ADGRB1: variants seen among roughly 807,000 people sequenced by gnomAD.
ADGRB1 encodes adhesion G protein-coupled receptor B1.
ADGRB1 carries 36 observed loss-of-function variants against 175.7 expected under a neutral mutation model. That is an observed-to-expected ratio of 0.20 (90% CI 0.16 to 0.27). ADGRB1 has a LOEUF of 0.27. Ranked by LOEUF, ADGRB1 falls within the 10% of genes least tolerant of loss-of-function variation. The pLI, the probability that ADGRB1 is intolerant of heterozygous loss-of-function variation, is 1.00. For missense variants in ADGRB1, 1,731 were observed against 2,255.3 expected (o/e 0.77, Z 4.71); for synonymous variants, 1,054 against 979.4 (o/e 1.08, Z -1.42).
chr8:142,508,090 G>T (rs1278052796), intron 17 of ADGRB1, among the ~76,000 whole-genome samples: 6 of 152,132 alleles, frequency 3.9e-5, no homozygotes, highest in African/African-American at 1.4e-4. Flanking sequence ...TCCCACCCGG[G>T]GCCTACAGCT....
Position 142,542,447 on chromosome 8 carries a change from G to A in ADGRB1, c.4213G>A (p.Glu1405Lys), listed in dbSNP as rs1442155254. ...CCAGCCCCCCAGCGGCGGGCCCCCCGAGGCACCCCCTGCCCAGCCCCCACC... is the reference window on the plus strand; with the variant it reads ...CCAGCCCCCCAGCGGCGGGCCCCCCAAGGCACCCCCTGCCCAGCCCCCACC... Reference protein sequence around the residue: ...SRQPPSGGPPEAPPAQPPPPP... With the variant: ...SRQPPSGGPPKAPPAQPPPPP... The change falls in exon 28 of 31, where the codon GAG becomes AAG. Residue 1405 changes from glutamate (E) to lysine (K), a missense_variant. By Grantham distance (56) the Glu-to-Lys change is moderately conservative. Coordinates refer to ENST00000517894, the MANE Select transcript of ADGRB1 (RefSeq NM_001702.3). This position sits in a 1 kb window ranked among gnomAD's most constrained non-coding sequence, Gnocchi z 6.3. The A allele has an allele frequency of 9.7e-5, 83 of 859,898 alleles. No homozygotes were observed. The highest frequency in any genetic ancestry group is 1.2e-4 in the Admixed American group (3 of 24,804). The allele number at this position is 859,898 out of a possible 1,614,324, so 53.3% of individuals were successfully genotyped here. A position where few individuals can be genotyped will look rare whatever the true frequency, so the allele number is the denominator to read the frequency against.
At chr8:142,460,070 C>T (rs1324641402) in intron 1 of ADGRB1, among the ~76,000 whole-genome samples, 1 of 152,206 alleles carries the variant, frequency 6.6e-6, no homozygotes, top group African/African-American at 2.4e-5. Context: ...CGGCTCGGGC[C>T]TGGCGTGGGG....
intron 2 of ADGRB1, among the ~76,000 whole-genome samples, chr8:142,469,147 GC>G (rs1277137467): frequency 7.3e-5 from 4 of 54,644 alleles, no homozygotes; most frequent in Admixed American, 4.8e-4. Context: ...GCATGTGTGT[GC>G]ATGCGTGCAT....
At chr8:142,479,982 T>C (rs964944173) in intron 9 of ADGRB1, among the ~76,000 whole-genome samples, 188 bp downstream of exon 9, 1 of 152,204 alleles carries the variant, frequency 6.6e-6, no homozygotes, top group Non-Finnish European at 1.5e-5. Context: ...CAGCTGCTGT[T>C]CTGAGCACTC....
At chr8:142,514,538 A>G (rs979864156) in intron 18 of ADGRB1, among the ~76,000 whole-genome samples, 5 of 152,184 alleles carry the variant, frequency 3.3e-5, no homozygotes, top group Admixed American at 2.0e-4. Context: ...AAACAGTCTG[A>G]AAAGGACAGT....
In ADGRB1 at chr8:142,533,436, C is replaced by T. The variant is rs747609583; in HGVS notation, c.3540C>T (p.Ile1180=). The change falls in exon 25 of 31, where the codon ATC becomes ATT. Residue 1180 remains isoleucine (I), a synonymous_variant. Transcript: ENST00000517894. ...AVFDSLEGFV[I]VMVHCILRRE... is the part of the protein sequence containing the mutation. The stretch of plus-strand genomic sequence containing the variant: ...TCGACTCGCTGGAGGGCTTCGTCAT[C>T]GTCATGGTGCACTGTATCCTCCGTA... 23 of 1,612,022 alleles carry T rather than the reference C, an allele frequency of 1.4e-5. No homozygotes were observed. The highest frequency in any genetic ancestry group is 8.0e-5 in the African/African-American group (6 of 74,912).
chr8:142,484,150 C>G (rs1841536769), intron 12 of ADGRB1, 105 bp downstream of exon 12: 2 of 968,668 alleles, frequency 2.1e-6, no homozygotes, highest in African/African-American at 1.6e-5. Context: ...GCCGGGTGCT[C>G]TGGGTTTGGA....
At position 142,496,530 on chromosome 8, in the gene ADGRB1, T is replaced by A. The variant is rs375638628; in HGVS notation, c.2675+5715T>A. Among the ~76,000 whole-genome samples, 13 of 152,280 alleles carry A rather than the reference T, an allele frequency of 8.5e-5. No homozygotes were observed. The East Asian group carries it at 1.2e-3, about 14-fold the overall frequency. ...CAGTAGCACACATTGGGAGTTAGGT[T>A]CTGTGGTCCTGAAAGGACAGCTCCC... is the stretch of plus-strand genomic sequence containing the variant. On this transcript the variant is annotated intron_variant, in intron 17 of 30. Transcript: ENST00000517894.
chr8:142,516,239 GTGTGCGGGCCCCAGGTGCGTGCGTC>G lies in ADGRB1; in HGVS notation c.2818-1884_2818-1860del, dbSNP rs1263520149. On this transcript the variant is annotated intron_variant, in intron 18 of 30. Coordinates refer to ENST00000517894, the MANE Select transcript of ADGRB1 (RefSeq NM_001702.3). ...GTGCGGGCCCCAGGTGTGTGTGTGC[GTGTGCGGGCCCCAGGTGCGTGCGTC>G]TGTGCGGGCCCCAGTTGCGTGTGTG... is the stretch of plus-strand genomic sequence containing the variant. 1.3e-3 allele frequency among the ~76,000 whole-genome samples: 190 copies of G among 147,002 alleles called. 1 individual carries two copies. The highest frequency in any genetic ancestry group is 4.7e-3 in the African/African-American group (184 of 39,332).
chr8:142,466,049 C>G (rs1019059037), intron 2 of ADGRB1, among the ~76,000 whole-genome samples: 3 of 152,192 alleles, frequency 2.0e-5, no homozygotes, highest in African/African-American at 7.2e-5. Flanking sequence ...AGACCCCTTG[C>G]TGACGGGTGA....
At chr8:142,515,661 G>A (rs1843374177) in intron 18 of ADGRB1, among the ~76,000 whole-genome samples, 1 of 152,018 alleles carries the variant, frequency 6.6e-6, no homozygotes, top group South Asian at 2.1e-4. Flanking sequence ...TGTCCAGCTG[G>A]TTTCCTAGCC....
rs1303126999 is a variant in ADGRB1, at chr8:142,455,984, G to A, written c.-220+5880G>A. Among the ~76,000 whole-genome samples, 1 of 152,110 alleles carries A rather than the reference G, an allele frequency of 6.6e-6. No homozygotes were observed. The highest frequency in any genetic ancestry group is 1.5e-5 in the Non-Finnish European group (1 of 68,016). On this transcript the variant is annotated intron_variant, in intron 1 of 30. Transcript: ENST00000517894. The surrounding 1 kb of genome is among the most constrained non-coding windows in gnomAD (Gnocchi z 4.9). ...TAGCGCCTGTGTAGTGCCAGGGAGG[G>A]TAGGGCTGTCCAGGCAAGTCTTGGT...
At chr8:142,475,060 C>G (rs1416329950) in intron 2 of ADGRB1, among the ~76,000 whole-genome samples, 1 of 152,170 alleles carries the variant, frequency 6.6e-6, no homozygotes, top group African/African-American at 2.4e-5. Context: ...CTCTGATGAG[C>G]AGGGCCTGGC....
At chr8:142,506,027 T>C (rs1587367790) in intron 17 of ADGRB1, among the ~76,000 whole-genome samples, 2 of 152,150 alleles carry the variant, frequency 1.3e-5, no homozygotes, top group African/African-American at 2.4e-5. Context: ...TAGTGGCGCC[T>C]GTGGGCGCCT....
chr8:142,531,758 C>G (rs930180438), intron 24 of ADGRB1, among the ~76,000 whole-genome samples: 1 of 152,140 alleles, frequency 6.6e-6, no homozygotes, highest in Non-Finnish European at 1.5e-5. Flanking sequence ...AGATCCCTGC[C>G]GGACAGCATC....
chr8:142,495,821 C>A (rs972969918), intron 17 of ADGRB1, among the ~76,000 whole-genome samples: 4 of 151,252 alleles, frequency 2.6e-5, no homozygotes, highest in Non-Finnish European at 1.5e-5. Context: ...AAATCATATT[C>A]GTAGGTTCTG....
At position 142,492,947 on chromosome 8, in the gene ADGRB1, CG is replaced by C. The variant is rs1044278699; in HGVS notation, c.2675+2138del. Among the ~76,000 whole-genome samples, 9 of 152,036 alleles carry C rather than the reference CG, an allele frequency of 5.9e-5. No individual in the cohort carries two copies. Among genetic ancestry groups the C allele is most frequent in the Admixed American group, 5.9e-4 (9 of 15,286 alleles). On this transcript the variant is annotated intron_variant, in intron 17 of 30. Coordinates refer to ENST00000517894, the MANE Select transcript of ADGRB1 (RefSeq NM_001702.3). The surrounding 1 kb of genome is among the most constrained non-coding windows in gnomAD (Gnocchi z 4.4). Reference sequence around the variant, plus strand: ...GCTGTTCGCCGGCCGCGGCAGCTCTCGGGGGGCTGCGCCCTGGTTCACTCAA... The same window carrying C: ...GCTGTTCGCCGGCCGCGGCAGCTCTCGGGGGCTGCGCCCTGGTTCACTCAA...
intron 23 of ADGRB1, among the ~76,000 whole-genome samples, chr8:142,524,989 A>G (rs1388248689): frequency 6.6e-6 from 1 of 151,822 alleles, no homozygotes; most frequent in Non-Finnish European, 1.5e-5. Flanking sequence ...CCACCCTCAC[A>G]TCCCCTCCCC....
At chr8:142,539,709 C>T (rs946276563) in intron 27 of ADGRB1, 4 of 537,322 alleles carry the variant, frequency 7.4e-6, no homozygotes, top group East Asian at 3.1e-5. Flanking sequence ...CGCCTGGCTG[C>T]GTCCCCTGCC....
Sources: gnomAD v4.1 joint callset for allele counts (sites outside exome capture counted in the v4.1 genomes callset) on GRCh38, gnomAD v4.1.1 for gene constraint, Gnocchi (gnomAD v3.1) non-coding constraint, MANE v1.5 for transcripts, NCBI Gene and HGNC (gene_info 2026-07-23, HGNC 2026-07-21) for gene names.